Variants in PALMD observed in about 807,000 individuals in gnomAD.
PALMD encodes the protein paralemmin-like protein.
Under a neutral mutation model 56.2 loss-of-function variants are expected in PALMD, and 42 were observed. That is an observed-to-expected ratio of 0.75 (90% CI 0.58 to 0.97). The LOEUF (loss-of-function observed/expected upper bound fraction) is 0.97, where lower values mean the gene tolerates loss of function less well. PALMD is among the 50% of genes least tolerant of loss of function. PALMD has a pLI of 0.00. For synonymous variants in PALMD, 242 were observed against 222.9 expected, an observed-to-expected ratio of 1.09 and a Z score of -0.76; for missense variants, 660 against 643.8, an observed-to-expected ratio of 1.03 and a Z score of -0.27.
At chr1:99,659,175 G>A (rs1168238924) in intron 1 of PALMD, among the ~76,000 whole-genome samples, 2 of 152,154 alleles carry the variant, frequency 1.3e-5, no homozygotes, top group Non-Finnish European at 2.9e-5. Context: ...ATACTCTTAA[G>A]CATTGTGCTG....
At chr1:99,690,142 G>A in intron 7 of PALMD, 1 of 449,540 alleles carries the variant, frequency 2.2e-6, no homozygotes, top group Non-Finnish European at 3.9e-6. Context: ...ATCATGGTAT[G>A]GTGCTGCTTG....
intron 2 of PALMD, among the ~76,000 whole-genome samples, chr1:99,663,943 A>G (rs1488882095): frequency 1.3e-5 from 2 of 152,144 alleles, no homozygotes; most frequent in Non-Finnish European, 2.9e-5. Context: ...ATCCAATCCA[A>G]TCAAAACATT....
intron 2 of PALMD, among the ~76,000 whole-genome samples, chr1:99,665,765 C>T (rs954784915): frequency 3.9e-5 from 6 of 152,026 alleles, no homozygotes; most frequent in African/African-American, 1.4e-4. Flanking sequence ...TATGCATTAG[C>T]TAAAATTCCA....
At chr1:99,681,105 A>ATGTGTG (rs56957907) in intron 3 of PALMD, among the ~76,000 whole-genome samples, 75 of 148,852 alleles carry the variant, frequency 5.0e-4, no homozygotes, top group Non-Finnish European at 1.0e-3. Context: ...GTGTGTATAT[A>ATGTGTG]TGTGTGTGTG....
chr1:99,648,888 C>A (rs923673133), intron 1 of PALMD, among the ~76,000 whole-genome samples: 487 of 126,570 alleles, frequency 3.8e-3, no homozygotes, highest in Non-Finnish European at 4.8e-3. Flanking sequence ...TTCTTTTTCT[C>A]AAAAAAAAAA....
chr1:99,651,887 C>T (rs1435924746), intron 1 of PALMD, among the ~76,000 whole-genome samples: 1 of 152,202 alleles, frequency 6.6e-6, no homozygotes, highest in Non-Finnish European at 1.5e-5. Context: ...ATCAAGTTTT[C>T]AATCTATTAA....
intron 3 of PALMD, among the ~76,000 whole-genome samples, chr1:99,681,627 T>C (rs1317225053): frequency 6.6e-6 from 1 of 152,138 alleles, no homozygotes; most frequent in East Asian, 1.9e-4. Context: ...TACCAGGCAT[T>C]CTTTTAGGTA....
intron 1 of PALMD, among the ~76,000 whole-genome samples, chr1:99,654,176 G>C (rs1213637819): frequency 6.6e-6 from 1 of 152,124 alleles, no homozygotes. Context: ...GAACTCTCTA[G>C]TTTTCATCTT....
chr1:99,652,270 T>C (rs1362379570), intron 1 of PALMD, among the ~76,000 whole-genome samples: 1 of 152,204 alleles, frequency 6.6e-6, no homozygotes, highest in East Asian at 1.9e-4. Flanking sequence ...CAAATTTTTA[T>C]AAACATCAAC....
At chr1:99,693,528 T>C (rs1477882962) in intron 7 of PALMD, among the ~76,000 whole-genome samples, 2 of 152,206 alleles carry the variant, frequency 1.3e-5, no homozygotes, top group Non-Finnish European at 2.9e-5. Flanking sequence ...GTTCCTGTTG[T>C]TTCATTCGTA....
At chr1:99,667,317 C>T (rs1428618685) in intron 2 of PALMD, among the ~76,000 whole-genome samples, 1 of 152,078 alleles carries the variant, frequency 6.6e-6, no homozygotes, top group Non-Finnish European at 1.5e-5. Context: ...GATAAACACA[C>T]AGTATGGCAT....
chr1:99,646,288 T>C lies in PALMD; in HGVS notation c.-30T>C. 6.2e-7 allele frequency: 1 copy of C among 1,605,390 alleles called. No individual in the cohort carries two copies. Among genetic ancestry groups the C allele is most frequent in the Non-Finnish European group, 8.5e-7 (1 of 1,172,098 alleles). On this transcript the variant is annotated 5_prime_UTR_variant, in exon 1 of 8. Transcript: ENST00000263174. ...TGATTTATGGTAGCTTTGGACTTGC[T>C]TCCCCGTCTGACTGTCCTTGACTTC...
chr1:99,693,475 C>CTTG (rs1653707845), intron 7 of PALMD, among the ~76,000 whole-genome samples: 1 of 152,162 alleles, frequency 6.6e-6, no homozygotes, highest in Non-Finnish European at 1.5e-5. Flanking sequence ...ATACTTATAT[C>CTTG]TTGACAAAGA....
At chr1:99,670,071 T>G (rs1462301268) in intron 3 of PALMD, among the ~76,000 whole-genome samples, 2 of 152,182 alleles carry the variant, frequency 1.3e-5, no homozygotes, top group Non-Finnish European at 2.9e-5. Flanking sequence ...AAAGGTATTC[T>G]CTCTTATAGA....
chr1:99,687,134 T>C lies in PALMD; in HGVS notation c.459T>C (p.Ser153=), dbSNP rs747571413. ...IPDLPKSYIP[S]RLRKEINEEK... ...ACCTTCCAAAGTCCTACATACCTTCTAGGTTAAGGAAGGAGATAAATGAAG... is the reference window on the plus strand; with the variant it reads ...ACCTTCCAAAGTCCTACATACCTTCCAGGTTAAGGAAGGAGATAAATGAAG... The change falls in exon 6 of 8, where the codon TCT becomes TCC. Residue 153 remains serine, a synonymous_variant. Transcript: ENST00000263174. 3.7e-6 allele frequency: 6 copies of C among 1,602,756 alleles called. No homozygotes were observed. In the African/African-American group the frequency reaches 8.0e-5, roughly 21 times the overall value.
intron 1 of PALMD, among the ~76,000 whole-genome samples, chr1:99,652,474 T>G (rs1652608018): frequency 6.6e-6 from 1 of 151,828 alleles, no homozygotes; most frequent in African/African-American, 2.4e-5. Context: ...CATGGTGGTC[T>G]GCGCCTGTAA....
In PALMD at chr1:99,694,066, T is replaced by G; in HGVS notation, c.*4T>G. On this transcript the variant is annotated 3_prime_UTR_variant, in exon 8 of 8. Transcript: ENST00000263174. ...GCTGGGAAAAAAGGTGATCTAAGAG[T>G]TGTACCACCTATATAAACATCCTTT... 1 of 1,575,592 alleles carries G rather than the reference T, an allele frequency of 6.3e-7. No individual in the cohort carries two copies.
chr1:99,646,302 G>A lies in PALMD; in HGVS notation c.-16G>A, dbSNP rs1419704277. On this transcript the variant is annotated 5_prime_UTR_variant, in exon 1 of 8. Coordinates refer to ENST00000263174, the MANE Select transcript of PALMD (RefSeq NM_017734.5). ...TTTGGACTTGCTTCCCCGTCTGACTGTCCTTGACTTCTAGAATGGAAGAAG... is the reference window on the plus strand; with the variant it reads ...TTTGGACTTGCTTCCCCGTCTGACTATCCTTGACTTCTAGAATGGAAGAAG... 1.2e-6 allele frequency: 2 copies of A among 1,611,772 alleles called. No individual in the cohort carries two copies. The highest frequency in any genetic ancestry group is 2.2e-5 in the South Asian group (2 of 91,044).
chr1:99,668,934 CACG>C (rs1373169863), intron 3 of PALMD: 1 of 152,160 alleles, frequency 6.6e-6, no homozygotes, highest in African/African-American at 2.4e-5. Flanking sequence ...GTGTTATAAT[CACG>C]ACAACAAATT....
Sources: gnomAD v4.1 joint callset for allele counts (sites outside exome capture counted in the v4.1 genomes callset) on GRCh38, gnomAD v4.1.1 for gene constraint, MANE v1.5 for transcripts, NCBI Gene and HGNC (gene_info 2026-07-23, HGNC 2026-07-21) for gene names.